The following RBMS3 variants were observed in gnomAD, a reference collection of about 807,000 sequenced individuals.
The protein encoded by RBMS3 is RNA-binding motif, single-stranded-interacting protein 3.
RBMS3 carries 27 observed loss-of-function variants against 66.8 expected under a neutral mutation model. The ratio of observed to expected loss-of-function variants is 0.40; its 90% CI spans 0.30 to 0.56. RBMS3 has a LOEUF of 0.56. Among genes scored for constraint, RBMS3 ranks in the 20% least tolerant of loss-of-function variants. RBMS3 has a pLI of 0.40. For synonymous variants in RBMS3, 188 were observed against 183.0 expected, an observed-to-expected ratio of 1.03 and a Z score of -0.22; for missense variants, 513 against 549.5, an observed-to-expected ratio of 0.93 and a Z score of 0.66.
chr3:29,694,720 A>T (rs1428428486), intron 4 of RBMS3, among the ~76,000 whole-genome samples: 2 of 152,138 alleles, frequency 1.3e-5, no homozygotes. Context: ...TATCTGTGCA[A>T]GTGACTGTCC....
chr3:29,747,533 A>C (rs1466808521), intron 5 of RBMS3, among the ~76,000 whole-genome samples: 1 of 151,928 alleles, frequency 6.6e-6, no homozygotes, highest in Non-Finnish European at 1.5e-5. Flanking sequence ...ATGTACATAC[A>C]CCCACAAAAA....
At chr3:29,784,038 A>C (rs1338290164) in intron 6 of RBMS3, among the ~76,000 whole-genome samples, 2 of 152,234 alleles carry the variant, frequency 1.3e-5, no homozygotes, top group Non-Finnish European at 2.9e-5. Flanking sequence ...AAAGCTCCCA[A>C]ATTTATAAAA....
intron 6 of RBMS3, among the ~76,000 whole-genome samples, chr3:29,805,816 T>A (rs565166165): frequency 2.6e-4 from 40 of 152,156 alleles, no homozygotes; most frequent in African/African-American, 8.9e-4. Context: ...GCTAAGTTTA[T>A]TGTTAAAGAG....
At chr3:29,555,388 C>T (rs996283609) in intron 3 of RBMS3, among the ~76,000 whole-genome samples, 7 of 152,192 alleles carry the variant, frequency 4.6e-5, no homozygotes, top group Admixed American at 4.6e-4. Context: ...TGAAGCATCT[C>T]TGTTTGCTTA....
intron 12 of RBMS3, among the ~76,000 whole-genome samples, chr3:29,945,080 T>C (rs1307730741): frequency 6.6e-6 from 1 of 151,734 alleles, no homozygotes; most frequent in African/African-American, 2.4e-5. Context: ...TTTAATTAAA[T>C]AAAATACTGG....
At chr3:29,681,693 T>G (rs1332022364) in intron 4 of RBMS3, among the ~76,000 whole-genome samples, 14 of 152,220 alleles carry the variant, frequency 9.2e-5, no homozygotes, top group Non-Finnish European at 1.5e-5. Flanking sequence ...CTTCTTCCTT[T>G]TTATGGTTGC....
chr3:29,595,089 A>C (rs1285734508), intron 4 of RBMS3, among the ~76,000 whole-genome samples: 1 of 152,172 alleles, frequency 6.6e-6, no homozygotes, highest in Non-Finnish European at 1.5e-5. Context: ...TGTGGAATTC[A>C]AGTTCTTTTC....
intron 4 of RBMS3, among the ~76,000 whole-genome samples, chr3:29,728,349 T>A (rs948447306): frequency 6.6e-6 from 1 of 152,212 alleles, no homozygotes; most frequent in African/African-American, 2.4e-5. Context: ...GTTCTGCACA[T>A]GTATCCCAGA....
At chr3:29,779,390 T>C (rs571402192) in intron 6 of RBMS3, among the ~76,000 whole-genome samples, 1 of 151,678 alleles carries the variant, frequency 6.6e-6, no homozygotes, top group Non-Finnish European at 1.5e-5. Context: ...TAGAGGAATG[T>C]CAGACCCATA....
At chr3:29,749,465 G>A (rs1025958302) in intron 5 of RBMS3, among the ~76,000 whole-genome samples, 2 of 152,122 alleles carry the variant, frequency 1.3e-5, no homozygotes, top group Admixed American at 1.3e-4. Flanking sequence ...GGCCATATAG[G>A]CTCCTTTAAG....
chr3:29,779,214 C>T (rs1231193868), intron 6 of RBMS3, among the ~76,000 whole-genome samples: 1 of 151,576 alleles, frequency 6.6e-6, no homozygotes, highest in South Asian at 2.1e-4. Flanking sequence ...TATAGAAACT[C>T]CCTTTAGAGA....
In RBMS3 at chr3:29,987,962, T is replaced by C. The variant is rs1361056434; in HGVS notation, c.1099-181T>C. The C allele has an allele frequency of 7.4e-6, 4 of 543,402 alleles. No homozygotes were observed. In the African/African-American group the frequency reaches 7.6e-5, roughly 10 times the overall value. The allele number at this position is 543,402 out of a possible 1,614,324, so 33.7% of individuals were successfully genotyped here. A position where few individuals can be genotyped will look rare whatever the true frequency, so the allele number is the denominator to read the frequency against. On this transcript the variant is annotated intron_variant, in intron 12 of 14. Coordinates refer to ENST00000383767, the MANE Select transcript of RBMS3 (RefSeq NM_001003793.3). ...AGGTAGGGCTACTGTGGGTACTTAA[T>C]CAGCAAGCAAAGGCCTTTCAATACA...
rs71091051 is a variant in RBMS3 at position 29,323,726 on chromosome 3, A to ACACACACC, written c.75+41971_75+41972insACACACCC. 3.9e-3 allele frequency among the ~76,000 whole-genome samples: 553 copies of ACACACACC among 140,678 alleles called. 1 individual carries two copies. The highest frequency in any genetic ancestry group is 0.033 in the Middle Eastern group (9 of 276). The allele number at this position is 140,678 out of a possible 152,430, so 92.3% of individuals were successfully genotyped here. A position where few individuals can be genotyped will look rare whatever the true frequency, so the allele number is the denominator to read the frequency against. On this transcript the variant is annotated intron_variant, in intron 1 of 14. Transcript: ENST00000383767. ...CACACACACACACACACACACACAC[A>ACACACACC]CCCCTTGGACTGAATTCTAGATGCA...
At chr3:29,735,645 T>C (rs1259058852) in intron 4 of RBMS3, among the ~76,000 whole-genome samples, 2 of 152,206 alleles carry the variant, frequency 1.3e-5, no homozygotes, top group African/African-American at 4.8e-5. Flanking sequence ...CTCAAGCTTA[T>C]TGACGAATAG....
chr3:29,473,171 T>C (rs2042807233), intron 2 of RBMS3, among the ~76,000 whole-genome samples: 1 of 151,592 alleles, frequency 6.6e-6, no homozygotes, highest in Non-Finnish European at 1.5e-5. Context: ...TTTCTCCAAG[T>C]CCCCACCAGA....
intron 4 of RBMS3, among the ~76,000 whole-genome samples, chr3:29,592,969 G>C (rs991875012): frequency 2.1e-5 from 3 of 140,174 alleles, no homozygotes; most frequent in African/African-American, 7.9e-5. Context: ...GAGAACACTT[G>C]GACACAGGAA....
chr3:29,464,673 G>A (rs1377813606), intron 2 of RBMS3, among the ~76,000 whole-genome samples: 1 of 152,124 alleles, frequency 6.6e-6, no homozygotes, highest in Non-Finnish European at 1.5e-5. Context: ...GGATACAGGT[G>A]ATTGATGAAC....
At chr3:29,412,791 T>C (rs915751868) in intron 1 of RBMS3, among the ~76,000 whole-genome samples, 2 of 152,156 alleles carry the variant, frequency 1.3e-5, no homozygotes, top group African/African-American at 4.8e-5. Context: ...AAATGTCTCC[T>C]AGAACCTTAA....
intron 12 of RBMS3, among the ~76,000 whole-genome samples, chr3:29,962,551 C>CATATATATATATAT (rs148691765): frequency 3.5e-4 from 48 of 135,270 alleles, no homozygotes; most frequent in African/African-American, 1.4e-3. Context: ...GGTCAAGACT[C>CATATATATATATAT]ATATATATAT....
Sources: allele counts gnomAD v4.1 joint callset (sites outside exome capture counted in the v4.1 genomes callset), GRCh38; gene constraint gnomAD v4.1.1; transcripts MANE v1.5; gene names NCBI Gene and HGNC (gene_info 2026-07-23, HGNC 2026-07-21).